ASAP2: variants seen among roughly 807,000 people sequenced by gnomAD.
ASAP2 encodes the protein arf-GAP with SH3 domain, ANK repeat and PH domain-containing protein 2.
Under a neutral mutation model 131.4 loss-of-function variants are expected in ASAP2, and 45 were observed. The observed-to-expected ratio is 0.34, with a 90% CI of 0.27 to 0.44. The LOEUF (loss-of-function observed/expected upper bound fraction) is 0.44. Among genes scored for constraint, ASAP2 ranks in the 20% least tolerant of loss-of-function variants. The pLI is 1.00. For synonymous variants in ASAP2, 510 were observed against 503.0 expected, an observed-to-expected ratio of 1.01 and a Z score of -0.19; for missense variants, 1,011 against 1,297.0, an observed-to-expected ratio of 0.78 and a Z score of 3.39.
intron 24 of ASAP2, among the ~76,000 whole-genome samples, chr2:9,396,567 G>A (rs182082289): frequency 5.0e-4 from 76 of 152,334 alleles, no homozygotes; most frequent in African/African-American, 1.8e-3. Context: ...ATGAGGCACT[G>A]CGCCTCACCT....
At chr2:9,286,546 A>ACTCT (rs1225916953) in intron 2 of ASAP2, among the ~76,000 whole-genome samples, 1 of 152,130 alleles carries the variant, frequency 6.6e-6, no homozygotes, top group African/African-American at 2.4e-5. Flanking sequence ...AGTAACTAGT[A>ACTCT]CTCTGCTCCA....
At chr2:9,336,164 CT>C (rs1278496314) in intron 9 of ASAP2, 1 of 152,064 alleles carries the variant, frequency 6.6e-6, no homozygotes, top group African/African-American at 2.4e-5. Flanking sequence ...AACCCCTCAC[CT>C]TTCATTGTTG....
intron 2 of ASAP2, among the ~76,000 whole-genome samples, chr2:9,294,813 C>G (rs554048898): frequency 6.6e-6 from 1 of 152,148 alleles, no homozygotes; most frequent in Non-Finnish European, 1.5e-5. Flanking sequence ...GAGGACACCA[C>G]GGCCCAGCTC....
Position 9,344,644 on chromosome 2 carries a change from G to C in ASAP2, c.953+9G>C, listed in dbSNP as rs760405024. ...TACAAGAAGAGTGACGGGTACGTGA[G>C]GGGGTGTGGCTAGAGTTTAAATGTA... On this transcript the variant is annotated intron_variant, in intron 10 of 27. Transcript: ENST00000281419. 56 of 1,613,646 alleles carry C rather than the reference G, an allele frequency of 3.5e-5. No homozygotes were observed. The highest frequency in any genetic ancestry group is 8.3e-5 in the Admixed American group (5 of 60,004).
chr2:9,330,709 A>G (rs549484596), intron 7 of ASAP2, among the ~76,000 whole-genome samples: 1 of 152,240 alleles, frequency 6.6e-6, no homozygotes, highest in African/African-American at 2.4e-5. Flanking sequence ...GCAATTTAGG[A>G]AGTGGGTCGC....
chr2:9,374,406 G>A (rs1378658047), intron 16 of ASAP2, among the ~76,000 whole-genome samples: 2 of 152,224 alleles, frequency 1.3e-5, no homozygotes, highest in Non-Finnish European at 2.9e-5. Context: ...GGGAGGAGGC[G>A]CAGGGCATGC....
chr2:9,299,034 C>T lies in ASAP2; in HGVS notation c.345+1589C>T, dbSNP rs1394670394. ...CTCTCAGAAAATAGATCAAAAAGAC[C>T]AAAAAGTGGGAAATAGATAAAAGAC... is the stretch of plus-strand genomic sequence containing the variant. On this transcript the variant is annotated intron_variant, in intron 3 of 27. Coordinates refer to ENST00000281419, the MANE Select transcript of ASAP2 (RefSeq NM_003887.3). Among the ~76,000 whole-genome samples the T allele has an allele frequency of 2.0e-5, 3 of 152,034 alleles. No homozygotes were observed. In the East Asian group the frequency reaches 5.8e-4, roughly 29 times the overall value.
At chr2:9,221,872 C>T (rs1662444037) in intron 1 of ASAP2, among the ~76,000 whole-genome samples, 2 of 152,210 alleles carry the variant, frequency 1.3e-5, no homozygotes, top group South Asian at 2.1e-4. Context: ...CGGCTCACTG[C>T]AAGCTCTGCC....
At chr2:9,247,658 CTCAG>C (rs1664427461) in intron 1 of ASAP2, among the ~76,000 whole-genome samples, 1 of 152,182 alleles carries the variant, frequency 6.6e-6, no homozygotes, top group South Asian at 2.1e-4. Flanking sequence ...GGGAATGATA[CTCAG>C]TCATTAATTA....
intron 1 of ASAP2, among the ~76,000 whole-genome samples, chr2:9,230,991 C>T (rs375658594): frequency 6.6e-6 from 1 of 152,222 alleles, no homozygotes; most frequent in African/African-American, 2.4e-5. Flanking sequence ...TTCCTGGCAG[C>T]ACAAACCCCT....
intron 1 of ASAP2, among the ~76,000 whole-genome samples, chr2:9,227,552 A>G (rs909357482): frequency 3.3e-5 from 5 of 152,134 alleles, no homozygotes; most frequent in African/African-American, 9.7e-5. Context: ...GCTCATGCAC[A>G]TTTTACAGCT....
intron 1 of ASAP2, 38 bp from the exon 2 acceptor site, chr2:9,279,279 A>G: frequency 1.9e-6 from 3 of 1,601,592 alleles, no homozygotes; most frequent in East Asian, 2.2e-5. Flanking sequence ...TGGTCTCAGC[A>G]CAGACACGGT....
Position 9,405,476 on chromosome 2 carries a change from A to G in ASAP2, c.*2149A>G, listed in dbSNP as rs1677143500. The G allele has an allele frequency of 6.6e-6, 1 of 152,650 alleles. No individual in the cohort carries two copies. Among genetic ancestry groups the G allele is most frequent in the African/African-American group, 2.4e-5 (1 of 41,464 alleles). The allele number at this position is 152,650 out of a possible 1,614,324, so 9.5% of individuals were successfully genotyped here. On this transcript the variant is annotated 3_prime_UTR_variant, in exon 28 of 28. Coordinates refer to ENST00000281419, the MANE Select transcript of ASAP2 (RefSeq NM_003887.3). ...GGGTGGATAACATAATATGCAGCTTAGGATGCTATTTTGAGATGTATGATA... is the reference window on the plus strand; with the variant it reads ...GGGTGGATAACATAATATGCAGCTTGGGATGCTATTTTGAGATGTATGATA...
At chr2:9,348,116 CTGTTTGTT>C (rs200824083) in intron 11 of ASAP2, among the ~76,000 whole-genome samples, 65 of 150,232 alleles carry the variant, frequency 4.3e-4, no homozygotes, top group African/African-American at 1.6e-3. Flanking sequence ...ACTTTTTTGT[CTGTTTGTT>C]TGTTTGTTTG....
At chr2:9,374,290 A>T (rs1340607197) in intron 16 of ASAP2, among the ~76,000 whole-genome samples, 1 of 152,194 alleles carries the variant, frequency 6.6e-6, no homozygotes, top group East Asian at 1.9e-4. Context: ...TGCCCCAAGG[A>T]GCTCATGGGC....
At chr2:9,319,304 G>T (rs1048023097) in intron 4 of ASAP2, among the ~76,000 whole-genome samples, 3 of 152,240 alleles carry the variant, frequency 2.0e-5, no homozygotes, top group Non-Finnish European at 4.4e-5. Context: ...TTGGATCTGC[G>T]CACGATTCCT....
At chr2:9,397,658 T>G (rs1676248524) in intron 24 of ASAP2, among the ~76,000 whole-genome samples, 1 of 149,944 alleles carries the variant, frequency 6.7e-6, no homozygotes. Flanking sequence ...GCCTGTTTTT[T>G]AGGGCCATGA....
intron 1 of ASAP2, among the ~76,000 whole-genome samples, chr2:9,240,210 A>G (rs1189668671): frequency 2.0e-5 from 3 of 150,042 alleles, no homozygotes; most frequent in African/African-American, 4.9e-5. Context: ...TTCAATCACG[A>G]CATGTCTCTG....
At chr2:9,240,065 A>G (rs1663839732) in intron 1 of ASAP2, among the ~76,000 whole-genome samples, 1 of 152,122 alleles carries the variant, frequency 6.6e-6, no homozygotes, top group Admixed American at 6.5e-5. Context: ...TCAACTTCTT[A>G]GAGCAATGTA....
Sources: gnomAD v4.1 joint callset for allele counts (sites outside exome capture counted in the v4.1 genomes callset) on GRCh38, gnomAD v4.1.1 for gene constraint, MANE v1.5 for transcripts, NCBI Gene and HGNC (gene_info 2026-07-23, HGNC 2026-07-21) for gene names.